Variants in BAZ2B observed in about 807,000 individuals in gnomAD.
The protein encoded by BAZ2B is bromodomain adjacent to zinc finger domain protein 2B.
A neutral mutation model predicts 246.0 loss-of-function variants in BAZ2B; 91 were observed. The ratio of observed to expected loss-of-function variants is 0.37; its 90% CI spans 0.31 to 0.44. BAZ2B has a LOEUF of 0.44. Among genes scored for constraint, BAZ2B ranks in the 20% least tolerant of loss-of-function variants. The pLI is 1.00. For synonymous variants in BAZ2B, 855 were observed against 860.0 expected (o/e 0.99, Z 0.10); for missense variants, 2,332 against 2,533.7 (o/e 0.92, Z 1.71).
chr2:159,697,539 A>C, the BAZ2B span, among the ~76,000 whole-genome samples: 2 of 152,202 alleles, frequency 1.3e-5, no homozygotes, highest in African/African-American at 4.8e-5. Flanking sequence ...AATCATTTTT[A>C]TATTTAAACA....
chr2:159,337,355 T>C, intron 32 of BAZ2B: 1 of 1,293,912 alleles, frequency 7.7e-7, no homozygotes, highest in East Asian at 2.5e-5. Context: ...GCATGATCCG[T>C]ATGGATCACA....
At chr2:159,678,397 A>C in the BAZ2B span, among the ~76,000 whole-genome samples, 1 of 152,224 alleles carries the variant, frequency 6.6e-6, no homozygotes, top group African/African-American at 2.4e-5. Flanking sequence ...CCAAGTGCCT[A>C]ATTGCAATAT....
At chr2:159,464,622 C>T (rs2076822011) in intron 3 of BAZ2B, 2 of 152,106 alleles carry the variant, frequency 1.3e-5, no homozygotes, top group African/African-American at 2.4e-5. Flanking sequence ...GCCGCGGTAG[C>T]TTTGGGAAGA....
At position 159,319,965 on chromosome 2, in the gene BAZ2B, T is replaced by G; in HGVS notation, c.*300A>C. ...CTCTGGTGTTGAGTATTCAGTGCGATTTGATATATTTTAATTGCTATTGCA... is the reference window on the plus strand; with the variant it reads ...CTCTGGTGTTGAGTATTCAGTGCGAGTTGATATATTTTAATTGCTATTGCA... On this transcript the variant is annotated 3_prime_UTR_variant, in exon 37 of 37. Coordinates refer to ENST00000392783, the MANE Select transcript of BAZ2B (RefSeq NM_013450.4). The surrounding 1 kb of genome is among the most constrained non-coding windows in gnomAD (Gnocchi z 4.0). 5.3e-6 allele frequency: 1 copy of G among 189,674 alleles called. No homozygotes were observed. 11.7% of individuals were successfully genotyped at this position (189,674 alleles called of 1,614,324 possible).
At position 159,521,241 on chromosome 2, in the gene BAZ2B, T is replaced by A. The variant is rs550361114; in HGVS notation, c.-3+34582A>T. Among the ~76,000 whole-genome samples the A allele has an allele frequency of 8.5e-5, 13 of 152,246 alleles. No individual in the cohort carries two copies. The South Asian group carries it at 2.7e-3, about 32-fold the overall frequency. On this transcript the variant is annotated intron_variant, in intron 2 of 36. Coordinates refer to ENST00000392783, the MANE Select transcript of BAZ2B (RefSeq NM_013450.4). The stretch of plus-strand genomic sequence containing the variant: ...ATTATCATGGTTACATTATTAACCA[T>A]CTTATAATTGTTTACTTCAAAGAAC...
chr2:159,547,404 C>G (rs2087521591), intron 2 of BAZ2B, among the ~76,000 whole-genome samples: 1 of 152,068 alleles, frequency 6.6e-6, no homozygotes, highest in South Asian at 2.1e-4. Context: ...ATTCTTTCTC[C>G]TCCATGGTTT....
intron 2 of BAZ2B, among the ~76,000 whole-genome samples, chr2:159,533,872 C>T (rs373108763): frequency 6.6e-6 from 1 of 152,050 alleles, no homozygotes; most frequent in East Asian, 1.9e-4. Flanking sequence ...GTATGTGAAA[C>T]AAAAATGGAC....
chr2:159,642,242 T>C, the BAZ2B span, among the ~76,000 whole-genome samples: 29 of 148,522 alleles, frequency 2.0e-4, no homozygotes, highest in African/African-American at 4.5e-4. Context: ...TTCTTTCTTT[T>C]TTTTTTTTTT....
At chr2:159,671,652 C>T in the BAZ2B span, among the ~76,000 whole-genome samples, 431 of 152,190 alleles carry the variant, frequency 2.8e-3, no homozygotes, top group Middle Eastern at 0.044. Context: ...CAGGAATACT[C>T]AGTATATTAG....
At chr2:159,345,952 GA>G (rs2067703382) in intron 31 of BAZ2B, among the ~76,000 whole-genome samples, 1 of 152,096 alleles carries the variant, frequency 6.6e-6, no homozygotes. Flanking sequence ...TTCAATTTAA[GA>G]AGGCAATGAA....
the BAZ2B span, among the ~76,000 whole-genome samples, chr2:159,662,583 G>A: frequency 4.6e-5 from 7 of 152,180 alleles, no homozygotes; most frequent in Non-Finnish European, 8.8e-5. Flanking sequence ...GGAGTGCAAT[G>A]GCGTGATCTC....
chr2:159,556,478 T>C lies in BAZ2B; in HGVS notation c.-45-613A>G, dbSNP rs897330592. Among the ~76,000 whole-genome samples, 6 of 152,210 alleles carry C rather than the reference T, an allele frequency of 3.9e-5. No individual in the cohort carries two copies. In the East Asian group the frequency reaches 1.2e-3, roughly 29 times the overall value. On this transcript the variant is annotated intron_variant, in intron 1 of 36. Coordinates refer to ENST00000392783, the MANE Select transcript of BAZ2B (RefSeq NM_013450.4). ...AATTTTTGGAATTTTTTGTTGTTTTTTCGAGACAGAGTCTCAATCTCACCC... is the reference window on the plus strand; with the variant it reads ...AATTTTTGGAATTTTTTGTTGTTTTCTCGAGACAGAGTCTCAATCTCACCC...
At chr2:159,334,640 G>A (rs2065319525) in intron 33 of BAZ2B, among the ~76,000 whole-genome samples, 1 of 152,220 alleles carries the variant, frequency 6.6e-6, no homozygotes, top group African/African-American at 2.4e-5. Flanking sequence ...ATTTTAAAAA[G>A]GAAATGAAGA....
intron 2 of BAZ2B, among the ~76,000 whole-genome samples, chr2:159,527,611 G>A (rs1240087812): frequency 6.6e-6 from 1 of 152,044 alleles, no homozygotes; most frequent in Non-Finnish European, 1.5e-5. Flanking sequence ...AACAGGTTCT[G>A]AGCTACAGGA....
intron 33 of BAZ2B, 21 bp downstream of exon 33, chr2:159,336,921 T>C: frequency 6.4e-7 from 1 of 1,552,686 alleles, no homozygotes; most frequent in Non-Finnish European, 8.8e-7. Flanking sequence ...GTTATAATAT[T>C]TCTTAAATAA....
At chr2:159,668,072 T>C in the BAZ2B span, among the ~76,000 whole-genome samples, 2 of 152,300 alleles carry the variant, frequency 1.3e-5, no homozygotes, top group East Asian at 1.9e-4. Flanking sequence ...CAGTGTTTTG[T>C]AGTTTAACGG....
intron 25 of BAZ2B, among the ~76,000 whole-genome samples, chr2:159,379,487 C>T (rs12611927): frequency 0.71 from 107,501 of 151,954 alleles, 41,360 homozygotes; most frequent in Non-Finnish European, 0.88. Flanking sequence ...GTGAATCTTA[C>T]GTTAAATGTT....
In BAZ2B at chr2:159,411,587, C is replaced by T. The variant is rs76798935; in HGVS notation, c.2677+748G>A. ...GCCTTGCAAATATAAGGTATCTACA[C>T]ATATGTTGATATATTCAGACAGTCT... On this transcript the variant is annotated intron_variant, in intron 14 of 36. Coordinates refer to ENST00000392783, the MANE Select transcript of BAZ2B (RefSeq NM_013450.4). 7.5e-3 allele frequency among the ~76,000 whole-genome samples: 1,140 copies of T among 152,280 alleles called. 45 individuals are homozygous for T. The East Asian group carries it at 0.091, about 12-fold the overall frequency.
At chr2:159,382,223 A>C (rs2062072729) in intron 25 of BAZ2B, among the ~76,000 whole-genome samples, 1 of 152,240 alleles carries the variant, frequency 6.6e-6, no homozygotes, top group Admixed American at 6.5e-5. Flanking sequence ...GAAGCGCTGT[A>C]CAAATGTAAC....
Sources: gnomAD v4.1 joint callset for allele counts (sites outside exome capture counted in the v4.1 genomes callset) on GRCh38, gnomAD v4.1.1 for gene constraint, Gnocchi (gnomAD v3.1) non-coding constraint, MANE v1.5 for transcripts, NCBI Gene and HGNC (gene_info 2026-07-23, HGNC 2026-07-21) for gene names.